Variants in ZNF384 observed in about 807,000 individuals in gnomAD.
The protein encoded by ZNF384 is zinc finger protein 384.
A neutral mutation model predicts 65.0 loss-of-function variants in ZNF384; 20 were observed. The ratio of observed to expected loss-of-function variants is 0.31; its 90% CI spans 0.22 to 0.45. ZNF384 has a LOEUF of 0.45. Among genes scored for constraint, ZNF384 ranks in the 20% least tolerant of loss-of-function variants. The probability of loss-of-function intolerance (pLI) is 1.00; values close to 1 mark genes in which losing one functional copy is unlikely to be tolerated. For synonymous variants in ZNF384, 310 were observed against 303.9 expected (o/e 1.02, Z -0.21); for missense variants, 549 against 769.4 (o/e 0.71, Z 3.39).
At chr12:6,684,503 T>A (rs1196572697) in intron 2 of ZNF384, among the ~76,000 whole-genome samples, 1 of 152,216 alleles carries the variant, frequency 6.6e-6, no homozygotes, top group East Asian at 1.9e-4. Flanking sequence ...AGAGCCTGAA[T>A]AAAGAGGCCG....
intron 7 of ZNF384, among the ~76,000 whole-genome samples, chr12:6,676,966 C>CT (rs1312043737): frequency 1.3e-5 from 2 of 152,204 alleles, no homozygotes; most frequent in African/African-American, 4.8e-5. Flanking sequence ...TTTAAACACT[C>CT]TGTAGGCTAC....
chr12:6,681,787 A>T lies in ZNF384; in HGVS notation c.-5-2262T>A, dbSNP rs532500827. Among the ~76,000 whole-genome samples the T allele has an allele frequency of 2.6e-5, 4 of 152,322 alleles. No individual in the cohort carries two copies. The South Asian group carries it at 8.3e-4, about 32-fold the overall frequency. ...ACCCCCAATTTTCATAAAATCTATA[A>T]AGGGAAAAACTGTATTTCAGCCTTT... is the stretch of plus-strand genomic sequence containing the variant. On this transcript the variant is annotated intron_variant, in intron 2 of 11. Coordinates refer to ENST00000683879, the MANE Select transcript of ZNF384 (RefSeq NM_001385745.1).
At chr12:6,683,563 A>C (rs1054957351) in intron 2 of ZNF384, among the ~76,000 whole-genome samples, 2 of 150,828 alleles carry the variant, frequency 1.3e-5, no homozygotes, top group Admixed American at 1.3e-4. Flanking sequence ...CTGTAGTCCC[A>C]GCTACTTGGG....
At chr12:6,674,527 G>T (rs573189392) in intron 7 of ZNF384, among the ~76,000 whole-genome samples, 174 of 152,282 alleles carry the variant, frequency 1.1e-3, no homozygotes, top group Non-Finnish European at 2.0e-3. Flanking sequence ...AGATGGTGTG[G>T]GATCATGATT....
chr12:6,677,208 A>G lies in ZNF384; in HGVS notation c.738T>C (p.Asp246=). The G allele has an allele frequency of 1.6e-6, 2 of 1,284,100 alleles. No homozygotes were observed. Among genetic ancestry groups the G allele is most frequent in the Non-Finnish European group, 2.1e-6 (2 of 975,562 alleles). 79.5% of individuals were successfully genotyped at this position (1,284,100 alleles called of 1,614,324 possible). A position where few individuals can be genotyped will look rare whatever the true frequency, so the allele number is the denominator to read the frequency against. ...AATTCGTGGTGGAGCCGGGAACTGA[A>G]TCCATGAGCCCAAGGCTCTGTCCAT... The part of the protein sequence containing the change: ...TGNGQSLGLM[D]SVPGSTTNLL... The change falls in exon 7 of 12, where the codon GAT becomes GAC. Residue 246 remains aspartate (D), a synonymous_variant. Coordinates refer to ENST00000683879, the MANE Select transcript of ZNF384 (RefSeq NM_001385745.1).
intron 2 of ZNF384, among the ~76,000 whole-genome samples, chr12:6,684,359 T>A (rs1167069870): frequency 7.0e-6 from 1 of 142,436 alleles, no homozygotes; most frequent in Admixed American, 6.8e-5. Flanking sequence ...AATGAACTAT[T>A]TTCCAGCTAG....
At chr12:6,669,347 A>T (rs1171249207) in intron 10 of ZNF384, among the ~76,000 whole-genome samples, 158 bp from the exon 11 acceptor site, 1 of 152,198 alleles carries the variant, frequency 6.6e-6, no homozygotes, top group African/African-American at 2.4e-5. Flanking sequence ...GAGAAGCTAC[A>T]GGCTAAGGGT....
Position 6,667,984 on chromosome 12 carries a change from A to T in ZNF384, c.1557T>A (p.Ala519=), listed in dbSNP as rs1259492832. 1.9e-6 allele frequency: 3 copies of T among 1,611,740 alleles called. No individual in the cohort carries two copies. In the East Asian group the frequency reaches 6.7e-5, roughly 36 times the overall value. The change falls in exon 12 of 12, where the codon GCT becomes GCA. Residue 519 remains alanine, a synonymous_variant. Transcript: ENST00000683879. ...AQAQAQAQAQ[A]QAQAQAQASQ... is the part of the protein sequence containing the mutation. ...AGGCCTGGGCCTGGGCCTGGGCTTG[A>T]GCCTGAGCCTGAGCCTGGGCTTGAG...
intron 7 of ZNF384, among the ~76,000 whole-genome samples, chr12:6,676,300 C>CA (rs759042910): frequency 4.7e-4 from 67 of 141,764 alleles, no homozygotes; most frequent in East Asian, 1.0e-3. Context: ...GACTCCGTCT[C>CA]AAAAAAAAAA....
chr12:6,681,180 T>C (rs1955794910), intron 2 of ZNF384, among the ~76,000 whole-genome samples: 1 of 151,102 alleles, frequency 6.6e-6, no homozygotes. Flanking sequence ...GATTGCGCCA[T>C]TGCCTGGGCA....
Position 6,672,805 on chromosome 12 carries a change from C to T in ZNF384, c.1005-273G>A, listed in dbSNP as rs1565427746. 1.3e-5 allele frequency among the ~76,000 whole-genome samples: 2 copies of T among 152,112 alleles called. No individual in the cohort carries two copies. The highest frequency in any genetic ancestry group is 2.9e-5 in the Non-Finnish European group (2 of 68,018). On this transcript the variant is annotated intron_variant, in intron 8 of 11. Transcript: ENST00000683879. This position sits in a 1 kb window ranked among gnomAD's most constrained non-coding sequence, Gnocchi z 4.4. ...CTTAAAGTAGTCAATCTCATCAACC[C>T]TCCGCTTTCTCCTAAGGTTAACACA...
At position 6,672,234 on chromosome 12, in the gene ZNF384, T is replaced by G; in HGVS notation, c.1187+116A>C. ...TTCTCCCAGATGCCAGCCAGGTCTC[T>G]CCTCCAGCCAGGTCTCTCCCCCGCC... is the stretch of plus-strand genomic sequence containing the variant. On this transcript the variant is annotated intron_variant, in intron 9 of 11. Coordinates refer to ENST00000683879, the MANE Select transcript of ZNF384 (RefSeq NM_001385745.1). This position sits in a 1 kb window ranked among gnomAD's most constrained non-coding sequence, Gnocchi z 4.4. The G allele has an allele frequency of 8.7e-7, 1 of 1,151,398 alleles. No homozygotes were observed. Among genetic ancestry groups the G allele is most frequent in the African/African-American group, 1.6e-5 (1 of 64,096 alleles). 71.3% of individuals were successfully genotyped at this position (1,151,398 alleles called of 1,614,324 possible). A position where few individuals can be genotyped will look rare whatever the true frequency, so the allele number is the denominator to read the frequency against.
At chr12:6,680,394 A>G (rs955017493) in intron 2 of ZNF384, among the ~76,000 whole-genome samples, 1 of 152,156 alleles carries the variant, frequency 6.6e-6, no homozygotes, top group Non-Finnish European at 1.5e-5. Flanking sequence ...CACACCTGTA[A>G]TCCCAGCACT....
chr12:6,675,392 T>A (rs886210749), intron 7 of ZNF384, among the ~76,000 whole-genome samples: 3 of 152,216 alleles, frequency 2.0e-5, no homozygotes, highest in Admixed American at 2.0e-4. Flanking sequence ...AGGGCAGTTA[T>A]TCACTACAAA....
At chr12:6,688,284 G>A (rs181595382) in intron 1 of ZNF384, 58 bp from the exon 2 acceptor site, 10 of 152,714 alleles carry the variant, frequency 6.5e-5, no homozygotes, top group Admixed American at 2.0e-4. Flanking sequence ...CCAGAGAACT[G>A]TGGAGAACCT....
At chr12:6,675,085 G>A (rs975055402) in intron 7 of ZNF384, among the ~76,000 whole-genome samples, 3 of 152,142 alleles carry the variant, frequency 2.0e-5, no homozygotes, top group Admixed American at 6.6e-5. Context: ...TAACATTAAG[G>A]TTAATTTTAA....
chr12:6,673,483 A>G lies in ZNF384; in HGVS notation c.780-43T>C, dbSNP rs773583462. The G allele has an allele frequency of 1.3e-6, 2 of 1,582,976 alleles. No homozygotes were observed. The highest frequency in any genetic ancestry group is 2.7e-5 in the African/African-American group (2 of 74,224). On this transcript the variant is annotated intron_variant, in intron 7 of 11. Transcript: ENST00000683879. This position sits in a 1 kb window ranked among gnomAD's most constrained non-coding sequence, Gnocchi z 4.7. ...AATGGTTAGAACCCTTCCCATCAAG[A>G]AGGTGTGGCTGAACCCTCCCCTCTA...
In ZNF384 at chr12:6,678,285, T is replaced by A. The variant is rs764884473; in HGVS notation, c.528A>T (p.Gly176=). ...TGCCACCTCCACCACCACCTCCGCCTCCTTCCTCGGTTAGGGTCGATGCTA... is the reference window on the plus strand; with the variant it reads ...TGCCACCTCCACCACCACCTCCGCCACCTTCCTCGGTTAGGGTCGATGCTA... ...KKVASTLTEE[G]GGGGGGGGSV... Residue 176 remains glycine (G), a synonymous_variant, in exon 6 of 12, where the codon GGA becomes GGT. Coordinates refer to ENST00000683879, the MANE Select transcript of ZNF384 (RefSeq NM_001385745.1). This position sits in a 1 kb window ranked among gnomAD's most constrained non-coding sequence, Gnocchi z 4.9. 3.1e-6 allele frequency: 5 copies of A among 1,614,074 alleles called. No individual in the cohort carries two copies. In the Admixed American group the frequency reaches 8.3e-5, roughly 27 times the overall value.
chr12:6,675,304 C>T (rs1458412449), intron 7 of ZNF384, among the ~76,000 whole-genome samples: 1 of 152,206 alleles, frequency 6.6e-6, no homozygotes, highest in Non-Finnish European at 1.5e-5. Flanking sequence ...ATTGTTTCTA[C>T]TCCTCACAAC....
Sources: gnomAD v4.1 joint callset for allele counts (sites outside exome capture counted in the v4.1 genomes callset) on GRCh38, gnomAD v4.1.1 for gene constraint, Gnocchi (gnomAD v3.1) non-coding constraint, MANE v1.5 for transcripts, NCBI Gene and HGNC (gene_info 2026-07-23, HGNC 2026-07-21) for gene names.